Variants in CACNA1C observed in about 807,000 individuals in gnomAD.
The protein encoded by CACNA1C is calcium voltage-gated channel subunit alpha1 C.
Under a neutral mutation model 229.0 loss-of-function variants are expected in CACNA1C, and 30 were observed. That is an observed-to-expected ratio of 0.13 (90% CI 0.10 to 0.18). The LOEUF (loss-of-function observed/expected upper bound fraction) is 0.18, where lower values mean the gene tolerates loss of function less well. Ranked by LOEUF, CACNA1C falls within the 10% of genes least tolerant of loss-of-function variation. The pLI, the probability that CACNA1C is intolerant of heterozygous loss-of-function variation, is 1.00. For synonymous variants in CACNA1C, 1,114 were observed against 1,132.5 expected (o/e 0.98, Z 0.33); for missense variants, 1,658 against 2,845.0 (o/e 0.58, Z 9.49).
Position 2,584,495 on chromosome 12 carries a change from A to C in CACNA1C, c.2225-8A>C, listed in dbSNP as rs1322731226. Reference sequence around the variant, plus strand: ...AGGGTCATTTTCTTTAAGAATGGACACAAACAGATATCCTACTGAATGTGT... The same window carrying C: ...AGGGTCATTTTCTTTAAGAATGGACCCAAACAGATATCCTACTGAATGTGT... On this transcript the variant is annotated splice_region_variant and splice_polypyrimidine_tract_variant and intron_variant, in intron 15 of 46. Coordinates refer to ENST00000399655, the MANE Select transcript of CACNA1C (RefSeq NM_000719.7). 5.0e-6 allele frequency: 8 copies of C among 1,605,274 alleles called. No individual in the cohort carries two copies. Among genetic ancestry groups the C allele is most frequent in the Non-Finnish European group, 6.8e-6 (8 of 1,172,216 alleles).
intron 3 of CACNA1C, among the ~76,000 whole-genome samples, chr12:2,415,295 C>T (rs911117413): frequency 5.9e-5 from 9 of 152,104 alleles, no homozygotes; most frequent in African/African-American, 1.2e-4. Flanking sequence ...CTCAACCATT[C>T]GCCTGTTGTC....
At chr12:2,241,080 G>C (rs1249079143) in intron 3 of CACNA1C, among the ~76,000 whole-genome samples, 2 of 152,094 alleles carry the variant, frequency 1.3e-5, no homozygotes, top group Admixed American at 6.5e-5. Context: ...CGAGGTGAGG[G>C]GGGTGGGAAG....
intron 1 of CACNA1C, among the ~76,000 whole-genome samples, chr12:2,064,886 G>A (rs2058769245): frequency 1.3e-5 from 2 of 152,330 alleles, no homozygotes; most frequent in East Asian, 3.9e-4. Flanking sequence ...CACATACATT[G>A]ATGCCTCAGC....
intron 1 of CACNA1C, among the ~76,000 whole-genome samples, chr12:2,114,972 C>G (rs2083258340): frequency 6.6e-6 from 1 of 152,180 alleles, no homozygotes; most frequent in Non-Finnish European, 1.5e-5. Flanking sequence ...CATCTCTTGC[C>G]CACCTAAGGT....
At chr12:2,208,643 C>T (rs1424560210) in intron 3 of CACNA1C, among the ~76,000 whole-genome samples, 1 of 152,174 alleles carries the variant, frequency 6.6e-6, no homozygotes, top group Non-Finnish European at 1.5e-5. Flanking sequence ...TATTTACCAA[C>T]CCATACAGTG....
intron 5 of CACNA1C, among the ~76,000 whole-genome samples, chr12:2,464,029 G>T (rs550107869): frequency 6.6e-6 from 1 of 152,112 alleles, no homozygotes; most frequent in Non-Finnish European, 1.5e-5. Context: ...GCAAGGGGTC[G>T]TTTCCTGCTT....
chr12:2,503,826 C>T (rs941957587), intron 7 of CACNA1C, among the ~76,000 whole-genome samples: 1 of 152,208 alleles, frequency 6.6e-6, no homozygotes, highest in Non-Finnish European at 1.5e-5. Flanking sequence ...AGTCACAGGA[C>T]CCTTCTCTGA....
intron 3 of CACNA1C, among the ~76,000 whole-genome samples, chr12:2,447,927 A>G (rs923695399): frequency 2.6e-5 from 4 of 152,262 alleles, no homozygotes; most frequent in East Asian, 1.9e-4. Context: ...TGGAGGGCCT[A>G]TGCCCGAATG....
At chr12:1,996,848 C>T (rs2041046205) in intron 1 of CACNA1C, among the ~76,000 whole-genome samples, 1 of 152,006 alleles carries the variant, frequency 6.6e-6, no homozygotes, top group South Asian at 2.1e-4. Flanking sequence ...TGTATTGTGG[C>T]TTACCATAAA....
chr12:2,071,571 G>A (rs970808980), intron 1 of CACNA1C, among the ~76,000 whole-genome samples: 1 of 151,954 alleles, frequency 6.6e-6, no homozygotes, highest in Non-Finnish European at 1.5e-5. Flanking sequence ...ACTCTATTTT[G>A]TTCCTCTGGA....
In CACNA1C at chr12:2,652,383, C is replaced by T. The variant is rs562492779; in HGVS notation, c.4074+615C>T. 4.6e-5 allele frequency among the ~76,000 whole-genome samples: 7 copies of T among 152,310 alleles called. No individual in the cohort carries two copies. In the East Asian group the frequency reaches 7.7e-4, roughly 17 times the overall value. ...GAGTGACAATCAGCCCCTGCCAGCT[C>T]GGAGGAGTCTTTGTAGGTTTGAAGT... On this transcript the variant is annotated intron_variant, in intron 32 of 46. Coordinates refer to ENST00000399655, the MANE Select transcript of CACNA1C (RefSeq NM_000719.7).
chr12:2,526,170 C>T (rs1165232945), intron 9 of CACNA1C, among the ~76,000 whole-genome samples: 2 of 152,208 alleles, frequency 1.3e-5, no homozygotes, highest in Non-Finnish European at 2.9e-5. Flanking sequence ...GCTCCATCGC[C>T]ATCCAAAAAT....
Position 2,665,761 on chromosome 12 carries a change from G to A in CACNA1C, c.4526+53G>A. 1.3e-6 allele frequency: 2 copies of A among 1,562,476 alleles called. No homozygotes were observed. The highest frequency in any genetic ancestry group is 1.2e-5 in the South Asian group (1 of 84,328). On this transcript the variant is annotated intron_variant, in intron 36 of 46. Transcript: ENST00000399655. The surrounding 1 kb of genome is among the most constrained non-coding windows in gnomAD (Gnocchi z 5.9). ...CCCCAAGCTGAGAGAGGGTATAGCT[G>A]ACCATACCTGCAGGAGGGGCTCAAG... is the stretch of plus-strand genomic sequence containing the variant.
At position 2,695,893 on chromosome 12, in the gene CACNA1C, C is replaced by A. The variant is rs1279367440; in HGVS notation, c.*4694C>A. 1.3e-5 allele frequency: 2 copies of A among 152,168 alleles called. No individual in the cohort carries two copies. The highest frequency in any genetic ancestry group is 2.9e-5 in the Non-Finnish European group (2 of 68,050). The allele number at this position is 152,168 out of a possible 1,614,324, so 9.4% of individuals were successfully genotyped here. ...ACATTGACGGGGGATGCTTGAACAA[C>A]CCCCCTCACTACACAGACACACACC... On this transcript the variant is annotated 3_prime_UTR_variant, in exon 47 of 47. Transcript: ENST00000399655.
chr12:2,058,594 G>A (rs1594632671), intron 1 of CACNA1C, among the ~76,000 whole-genome samples: 3 of 152,304 alleles, frequency 2.0e-5, no homozygotes, highest in Admixed American at 1.3e-4. Context: ...AGGGACAGAA[G>A]TGCTAAACAT....
intron 1 of CACNA1C, among the ~76,000 whole-genome samples, chr12:1,996,188 C>A (rs983182776): frequency 6.6e-6 from 1 of 152,146 alleles, no homozygotes; most frequent in Non-Finnish European, 1.5e-5. Flanking sequence ...AGAACTAGTG[C>A]GTCCCCATGA....
intron 3 of CACNA1C, among the ~76,000 whole-genome samples, chr12:2,419,550 G>A (rs1168922811): frequency 6.6e-6 from 1 of 152,148 alleles, no homozygotes; most frequent in Non-Finnish European, 1.5e-5. Flanking sequence ...TGTCATCCCA[G>A]ATCTACCATG....
chr12:2,280,503 G>T (rs1190651296), intron 3 of CACNA1C, among the ~76,000 whole-genome samples: 1 of 68,078 alleles, frequency 1.5e-5, no homozygotes, highest in African/African-American at 5.6e-5. Flanking sequence ...GCTGTGCTTC[G>T]GTTTAACCTC....
Position 2,383,499 on chromosome 12 carries a change from C to T in CACNA1C, c.478-65477C>T, listed in dbSNP as rs906049367. ...GAGCGAGGGGTCAGCTTCAACCCTA[C>T]GATAAACCAGTGGAGTTATAAATGG... On this transcript the variant is annotated intron_variant, in intron 3 of 46. Transcript: ENST00000399655. 5.9e-5 allele frequency among the ~76,000 whole-genome samples: 9 copies of T among 152,166 alleles called. No homozygotes were observed. The East Asian group carries it at 7.7e-4, about 13-fold the overall frequency.
Sources: allele counts gnomAD v4.1 joint callset (sites outside exome capture counted in the v4.1 genomes callset), GRCh38; gene constraint gnomAD v4.1.1; non-coding constraint Gnocchi (gnomAD v3.1); transcripts MANE v1.5; gene names NCBI Gene and HGNC (gene_info 2026-07-23, HGNC 2026-07-21).